Variants in MACROD2 observed in about 807,000 individuals in gnomAD.
MACROD2 encodes ADP-ribose glycohydrolase MACROD2.
A neutral mutation model predicts 70.4 loss-of-function variants in MACROD2; 36 were observed. That is an observed-to-expected ratio of 0.51 (90% CI 0.39 to 0.68). MACROD2 has a LOEUF of 0.68. MACROD2 is among the 30% of genes least tolerant of loss of function. The pLI is 0.00. For missense variants in MACROD2, 496 were observed against 538.4 expected (o/e 0.92, Z 0.78); for synonymous variants, 172 against 178.8 (o/e 0.96, Z 0.30).
chr20:14,068,567 A>G (rs1169010797), intron 2 of MACROD2, among the ~76,000 whole-genome samples: 1 of 152,196 alleles, frequency 6.6e-6, no homozygotes, highest in Non-Finnish European at 1.5e-5. Context: ...GAGAAGTAAC[A>G]TTCATAGGAA....
rs190020359 is a variant in MACROD2 at position 15,601,806 on chromosome 20, A to T, written c.645+101959A>T. Among the ~76,000 whole-genome samples, 99 of 152,294 alleles carry T rather than the reference A, an allele frequency of 6.5e-4. 2 individuals are homozygous for T. Among genetic ancestry groups the T allele is most frequent in the African/African-American group, 2.3e-3 (94 of 41,570 alleles). ...CACTTTGGGAGGCCGAGGCGGGTGG[A>T]TCACAAGGTCAGGAGATCGAGACCA... On this transcript the variant is annotated intron_variant, in intron 8 of 17. Coordinates refer to ENST00000684519, the MANE Select transcript of MACROD2 (RefSeq NM_001351661.2).
At chr20:15,491,141 A>G (rs1462211559) in intron 7 of MACROD2, among the ~76,000 whole-genome samples, 1 of 152,166 alleles carries the variant, frequency 6.6e-6, no homozygotes, top group Non-Finnish European at 1.5e-5. Flanking sequence ...TATTATTTCA[A>G]GATTGCTGTC....
At chr20:15,642,890 A>G (rs1414709517) in intron 8 of MACROD2, among the ~76,000 whole-genome samples, 2 of 152,110 alleles carry the variant, frequency 1.3e-5, no homozygotes, top group Non-Finnish European at 2.9e-5. Context: ...TCATGGGACA[A>G]GATTACTTGC....
intron 6 of MACROD2, among the ~76,000 whole-genome samples, chr20:15,387,212 A>C (rs1197280719): frequency 1.3e-5 from 2 of 152,188 alleles, no homozygotes; most frequent in Non-Finnish European, 2.9e-5. Flanking sequence ...GATGGCTGTG[A>C]GGTGAGAAGT....
rs185184206 is a variant in MACROD2, at chr20:15,282,509, C to G, written c.540+52448C>G. On this transcript the variant is annotated intron_variant, in intron 6 of 17. Coordinates refer to ENST00000684519, the MANE Select transcript of MACROD2 (RefSeq NM_001351661.2). Reference sequence around the variant, plus strand: ...TTAGAAATTTCTTCTGCCAGATTCCCTAACTCATTTCTCTCAAGATCAAAA... The same window carrying G: ...TTAGAAATTTCTTCTGCCAGATTCCGTAACTCATTTCTCTCAAGATCAAAA... 4.3e-4 allele frequency among the ~76,000 whole-genome samples: 66 copies of G among 152,280 alleles called. No individual in the cohort carries two copies. In the East Asian group the frequency reaches 0.012, roughly 28 times the overall value.
At chr20:15,103,050 G>A (rs1601078789) in intron 5 of MACROD2, among the ~76,000 whole-genome samples, 1 of 152,014 alleles carries the variant, frequency 6.6e-6, no homozygotes, top group Non-Finnish European at 1.5e-5. Flanking sequence ...TTATACATGG[G>A]AATCATAAGC....
chr20:15,167,945 G>A (rs1450386372), intron 5 of MACROD2, among the ~76,000 whole-genome samples: 1 of 152,192 alleles, frequency 6.6e-6, no homozygotes, highest in Non-Finnish European at 1.5e-5. Context: ...CAGAATGTAT[G>A]TGGAATATGT....
At chr20:14,701,363 A>G (rs978008033) in intron 5 of MACROD2, among the ~76,000 whole-genome samples, 3 of 152,170 alleles carry the variant, frequency 2.0e-5, no homozygotes, top group African/African-American at 7.2e-5. Flanking sequence ...AAAGCCTTGC[A>G]TGTTTTCCAC....
At chr20:14,287,060 G>A (rs879040158) in intron 3 of MACROD2, among the ~76,000 whole-genome samples, 1 of 152,020 alleles carries the variant, frequency 6.6e-6, no homozygotes, top group African/African-American at 2.4e-5. Context: ...TCTGTTTTCT[G>A]TAGGCTTGCC....
chr20:14,630,655 G>T (rs532518642), intron 4 of MACROD2, among the ~76,000 whole-genome samples: 1 of 152,188 alleles, frequency 6.6e-6, no homozygotes, highest in African/African-American at 2.4e-5. Context: ...TCTAGTGTTT[G>T]ATTAAAAATA....
chr20:14,030,369 T>C (rs536640493), intron 2 of MACROD2, among the ~76,000 whole-genome samples: 7 of 152,164 alleles, frequency 4.6e-5, no homozygotes, highest in African/African-American at 1.7e-4. Flanking sequence ...TCTTTCAGGG[T>C]TTAGTTGGTG....
intron 15 of MACROD2, among the ~76,000 whole-genome samples, chr20:16,007,427 G>A (rs958845292): frequency 6.6e-6 from 1 of 152,150 alleles, no homozygotes; most frequent in African/African-American, 2.4e-5. Context: ...CATACAGTGA[G>A]GCAGAGGACT....
At chr20:16,007,145 C>A (rs1192318921) in intron 15 of MACROD2, among the ~76,000 whole-genome samples, 1 of 152,082 alleles carries the variant, frequency 6.6e-6, no homozygotes, top group Non-Finnish European at 1.5e-5. Flanking sequence ...GTTTGAAGTA[C>A]AAATTGGCTT....
At chr20:15,138,511 G>T (rs954302173) in intron 5 of MACROD2, among the ~76,000 whole-genome samples, 6 of 152,042 alleles carry the variant, frequency 3.9e-5, no homozygotes, top group Non-Finnish European at 7.4e-5. Flanking sequence ...TGTGCTATAG[G>T]CTCCTTAATC....
At chr20:14,519,457 T>A (rs4813160) in intron 4 of MACROD2, among the ~76,000 whole-genome samples, 1 of 151,808 alleles carries the variant, frequency 6.6e-6, no homozygotes, top group African/African-American at 2.4e-5. Context: ...CCAAAAAGCA[T>A]ATGAAAAAAT....
At chr20:14,022,158 G>A (rs941304624) in intron 2 of MACROD2, among the ~76,000 whole-genome samples, 1 of 152,100 alleles carries the variant, frequency 6.6e-6, no homozygotes, top group African/African-American at 2.4e-5. Context: ...GAACTTCCTC[G>A]AGCTTCCATG....
intron 3 of MACROD2, among the ~76,000 whole-genome samples, chr20:14,182,925 A>G (rs1438254779): frequency 6.6e-6 from 1 of 151,666 alleles, no homozygotes; most frequent in African/African-American, 2.4e-5. Context: ...AGATCAGCTA[A>G]CCCTTTCATA....
At chr20:15,112,446 G>A (rs2075962091) in intron 5 of MACROD2, among the ~76,000 whole-genome samples, 2 of 152,108 alleles carry the variant, frequency 1.3e-5, no homozygotes, top group African/African-American at 4.8e-5. Flanking sequence ...ATTGCCTTGA[G>A]GCCTTTTTCA....
chr20:14,596,255 G>A (rs894886142), intron 4 of MACROD2, among the ~76,000 whole-genome samples: 1 of 151,358 alleles, frequency 6.6e-6, no homozygotes, highest in Non-Finnish European at 1.5e-5. Context: ...AAGCCCGGCT[G>A]ATTTTTTGTA....
Sources: gnomAD v4.1 joint callset for allele counts (sites outside exome capture counted in the v4.1 genomes callset) on GRCh38, gnomAD v4.1.1 for gene constraint, MANE v1.5 for transcripts, NCBI Gene and HGNC (gene_info 2026-07-23, HGNC 2026-07-21) for gene names.